ZNF680: variants seen among roughly 807,000 people sequenced by gnomAD.
ZNF680 encodes zinc finger protein 680.
ZNF680 carries 6 observed loss-of-function variants against 12.1 expected under a neutral mutation model. The observed-to-expected ratio is 0.49, with a 90% CI of 0.27 to 0.98. ZNF680 has a LOEUF of 0.98. Ranked by LOEUF, ZNF680 falls within the 50% of genes least tolerant of loss-of-function variation. The pLI, the probability that ZNF680 is intolerant of heterozygous loss-of-function variation, is 0.12. For missense variants in ZNF680, 561 were observed against 616.3 expected, an observed-to-expected ratio of 0.91 and a Z score of 0.95; for synonymous variants, 170 against 199.3, an observed-to-expected ratio of 0.85 and a Z score of 1.24.
intron 1 of ZNF680, among the ~76,000 whole-genome samples, chr7:64,555,083 T>TG: frequency 6.6e-6 from 1 of 152,170 alleles, no homozygotes; most frequent in Non-Finnish European, 1.5e-5. Context: ...ACAATAATAG[T>TG]GGGATACAAC....
intron 3 of ZNF680, among the ~76,000 whole-genome samples, chr7:64,534,354 C>T (rs191107666): frequency 6.6e-6 from 1 of 152,036 alleles, no homozygotes; most frequent in Non-Finnish European, 1.5e-5. Flanking sequence ...GGGCTAAGGA[C>T]ACGAATAAAC....
chr7:64,536,995 A>G (rs1786202485), intron 3 of ZNF680, among the ~76,000 whole-genome samples: 1 of 151,606 alleles, frequency 6.6e-6, no homozygotes, highest in Non-Finnish European at 1.5e-5. Context: ...ACTTGAGCCC[A>G]GGAGGCTGAG....
At chr7:64,525,163 T>C (rs78236153) in intron 3 of ZNF680, 1 of 152,236 alleles carries the variant, frequency 6.6e-6, no homozygotes, top group East Asian at 1.9e-4. Flanking sequence ...AGCTACAGAA[T>C]TGTAACAATT....
chr7:64,557,702 ATGTGG>A (rs1224617858), intron 1 of ZNF680, among the ~76,000 whole-genome samples: 2 of 152,222 alleles, frequency 1.3e-5, no homozygotes, highest in African/African-American at 4.8e-5. Context: ...AGCCTGGCCA[ATGTGG>A]TGAAACCCCT....
the ZNF680 span, chr7:64,501,847 T>A: frequency 7.2e-6 from 4 of 552,242 alleles, no homozygotes; most frequent in Non-Finnish European, 1.4e-5. Flanking sequence ...TCATTGTCCT[T>A]GTCTTTCCCA....
At chr7:64,555,292 AT>A (rs1423019527) in intron 1 of ZNF680, among the ~76,000 whole-genome samples, 8 of 152,050 alleles carry the variant, frequency 5.3e-5, no homozygotes, top group African/African-American at 1.9e-4. Context: ...AAATTCCAAA[AT>A]TACACCAACC....
chr7:64,560,206 C>G (rs1421368080), intron 1 of ZNF680, among the ~76,000 whole-genome samples: 1 of 151,582 alleles, frequency 6.6e-6, no homozygotes, highest in African/African-American at 2.4e-5. Flanking sequence ...CTCCACCCCC[C>G]GGGTTCAAGC....
chr7:64,543,728 C>G lies in ZNF680; in HGVS notation c.232G>C (p.Glu78Gln). 6.2e-7 allele frequency: 1 copy of G among 1,613,626 alleles called. No homozygotes were observed. Among genetic ancestry groups the G allele is most frequent in the Non-Finnish European group, 8.5e-7 (1 of 1,179,734 alleles). ...CTACCTGGGGGTTTGGCTACCATCT[C>G]CTGTCTCTTCCTATTCCAGGGCTCT... The part of the protein sequence containing the change: ...GKEPWNRKRQ[E>Q]MVAKPPVIYS... The change falls in exon 3 of 4, where the codon GAG becomes CAG. Residue 78 changes from glutamate to glutamine, a missense_variant. Coordinates refer to ENST00000309683, the MANE Select transcript of ZNF680 (RefSeq NM_178558.5).
chr7:64,519,323 A>T (rs1467684961), downstream of ZNF680, among the ~76,000 whole-genome samples: 7 of 151,956 alleles, frequency 4.6e-5, no homozygotes, highest in Admixed American at 4.6e-4. Flanking sequence ...GGCCATAATT[A>T]AAAAATAAAA....
chr7:64,515,661 C>T (rs571545927), downstream of ZNF680, among the ~76,000 whole-genome samples: 426 of 152,164 alleles, frequency 2.8e-3, 1 homozygote, highest in African/African-American at 0.01. Flanking sequence ...ATAAAAAAAC[C>T]CTCCAGCCTA....
At chr7:64,507,798 G>GT in the ZNF680 span, among the ~76,000 whole-genome samples, 2 of 148,542 alleles carry the variant, frequency 1.3e-5, no homozygotes, top group Non-Finnish European at 3.0e-5. Context: ...AGAAAAAAGT[G>GT]TTTTTTTCAT....
At chr7:64,546,732 G>A (rs1310834462) in intron 1 of ZNF680, among the ~76,000 whole-genome samples, 1 of 152,136 alleles carries the variant, frequency 6.6e-6, no homozygotes, top group Non-Finnish European at 1.5e-5. Context: ...GACAGAGTGA[G>A]ACTCCATCTC....
chr7:64,507,488 T>C, the ZNF680 span, among the ~76,000 whole-genome samples: 2 of 151,696 alleles, frequency 1.3e-5, no homozygotes, highest in Admixed American at 1.3e-4. Flanking sequence ...AGTGAGTTGA[T>C]ATACATATGT....
chr7:64,532,380 TACC>T (rs1329493346), intron 3 of ZNF680, among the ~76,000 whole-genome samples: 1 of 151,616 alleles, frequency 6.6e-6, no homozygotes, highest in African/African-American at 2.4e-5. Context: ...TTACAACTGA[TACC>T]ACATTAATAC....
intron 3 of ZNF680, among the ~76,000 whole-genome samples, chr7:64,532,525 G>A (rs1168120378): frequency 2.7e-5 from 4 of 148,882 alleles, no homozygotes; most frequent in African/African-American, 9.9e-5. Context: ...CTTTTAAAAT[G>A]GTAATTTTAG....
At chr7:64,503,328 T>C in the ZNF680 span, among the ~76,000 whole-genome samples, 18 of 151,638 alleles carry the variant, frequency 1.2e-4, no homozygotes, top group African/African-American at 4.1e-4. Context: ...AGAATTCTTA[T>C]GCTACAGAGA....
chr7:64,536,730 T>C (rs1786188986), intron 3 of ZNF680, among the ~76,000 whole-genome samples: 1 of 152,228 alleles, frequency 6.6e-6, no homozygotes, highest in African/African-American at 2.4e-5. Context: ...TATTCTTATT[T>C]GCACCTAGTG....
chr7:64,524,276 T>C (rs568920588), intron 3 of ZNF680, among the ~76,000 whole-genome samples: 1 of 151,862 alleles, frequency 6.6e-6, no homozygotes, highest in Admixed American at 6.6e-5. Context: ...GCCTCCCTAG[T>C]AGCTGGGATT....
At chr7:64,526,276 C>T in intron 3 of ZNF680, 2 of 1,144,418 alleles carry the variant, frequency 1.7e-6, no homozygotes, top group African/African-American at 1.6e-5. Context: ...TAATAAAATT[C>T]CTAACCAAGA....
Sources: allele counts gnomAD v4.1 joint callset (sites outside exome capture counted in the v4.1 genomes callset), GRCh38; gene constraint gnomAD v4.1.1; transcripts MANE v1.5; gene names NCBI Gene and HGNC (gene_info 2026-07-23, HGNC 2026-07-21).